Variants in GALNTL6 observed in about 807,000 individuals in gnomAD.
The protein encoded by GALNTL6 is polypeptide N-acetylgalactosaminyltransferase-like 6.
In GALNTL6, 46 loss-of-function variants were observed where a neutral mutation model predicts 73.7. That is an observed-to-expected ratio of 0.62 (90% CI 0.49 to 0.80). The LOEUF is 0.80. GALNTL6 is among the 30% of genes least tolerant of loss of function. The pLI, the probability that GALNTL6 is intolerant of heterozygous loss-of-function variation, is 0.00. For missense variants in GALNTL6, 604 were observed against 755.0 expected (o/e 0.80, Z 2.34); for synonymous variants, 259 against 263.7 (o/e 0.98, Z 0.17).
intron 5 of GALNTL6, among the ~76,000 whole-genome samples, chr4:172,357,975 G>T (rs1396221): frequency 0.96 from 145,887 of 152,210 alleles, 70,177 homozygotes; most frequent in East Asian, 1. Flanking sequence ...CCATGTTTTC[G>T]TCTGGTTTTG....
In GALNTL6 at chr4:172,809,018, T is replaced by C. The variant is rs1560967085; in HGVS notation, c.554-343T>C. Among the ~76,000 whole-genome samples the C allele has an allele frequency of 6.6e-6, 1 of 152,188 alleles. No homozygotes were observed. Among genetic ancestry groups the C allele is most frequent in the Non-Finnish European group, 1.5e-5 (1 of 68,028 alleles). ...TGTTGGAAAGAGCCCATTTCCAGGA[T>C]TTTCATCTGACTTTACCCAGCAGGA... On this transcript the variant is annotated intron_variant, in intron 5 of 12. Transcript: ENST00000506823. This position sits in a 1 kb window ranked among gnomAD's most constrained non-coding sequence, Gnocchi z 4.4.
intron 2 of GALNTL6, among the ~76,000 whole-genome samples, chr4:172,107,527 G>C (rs1447439594): frequency 1.3e-5 from 2 of 151,782 alleles, no homozygotes; most frequent in African/African-American, 4.8e-5. Context: ...TCCTTTGTAG[G>C]GACATGGATG....
At chr4:172,393,301 G>A (rs1426811674) in intron 5 of GALNTL6, among the ~76,000 whole-genome samples, 4 of 152,154 alleles carry the variant, frequency 2.6e-5, no homozygotes, top group African/African-American at 9.7e-5. Flanking sequence ...TCTAGGAACT[G>A]GGCAACATCA....
intron 5 of GALNTL6, among the ~76,000 whole-genome samples, chr4:172,626,167 C>A (rs565903579): frequency 1.3e-5 from 2 of 152,176 alleles, no homozygotes; most frequent in South Asian, 2.1e-4. Flanking sequence ...ATATTAAAAT[C>A]TTTAATCGAT....
At chr4:172,560,259 G>A (rs1304311228) in intron 5 of GALNTL6, among the ~76,000 whole-genome samples, 1 of 151,978 alleles carries the variant, frequency 6.6e-6, no homozygotes. Flanking sequence ...AAGATCACTG[G>A]AGGCCAGCAG....
intron 4 of GALNTL6, among the ~76,000 whole-genome samples, chr4:172,341,094 A>G (rs1303070533): frequency 1.3e-5 from 2 of 152,204 alleles, no homozygotes; most frequent in East Asian, 1.9e-4. Flanking sequence ...GAGTGTAAGC[A>G]GGGGAAATTG....
Position 172,240,374 on chromosome 4 carries a change from C to T in GALNTL6, c.247+10610C>T, listed in dbSNP as rs915607505. The stretch of plus-strand genomic sequence containing the variant: ...AAGTAGCAGGGACTACAGGCACTCA[C>T]CATCATGCCCGGCTAATTTTTTTTT... On this transcript the variant is annotated intron_variant, in intron 3 of 12. Coordinates refer to ENST00000506823, the MANE Select transcript of GALNTL6 (RefSeq NM_001034845.3). Among the ~76,000 whole-genome samples, 4 of 151,626 alleles carry T rather than the reference C, an allele frequency of 2.6e-5. No homozygotes were observed. The East Asian group carries it at 7.8e-4, about 29-fold the overall frequency.
intron 5 of GALNTL6, among the ~76,000 whole-genome samples, chr4:172,742,032 C>T (rs1022955677): frequency 1.3e-5 from 2 of 151,720 alleles, no homozygotes; most frequent in East Asian, 3.9e-4. Context: ...TGCATACATA[C>T]AACAAAAAAG....
intron 2 of GALNTL6, among the ~76,000 whole-genome samples, chr4:172,038,754 A>G (rs751420542): frequency 2.4e-4 from 37 of 152,176 alleles, no homozygotes; most frequent in Non-Finnish European, 2.5e-4. Flanking sequence ...TCCATGTGAT[A>G]TATTTTTAAA....
intron 5 of GALNTL6, among the ~76,000 whole-genome samples, chr4:172,684,117 T>C (rs1297270280): frequency 6.6e-6 from 1 of 152,234 alleles, no homozygotes; most frequent in Non-Finnish European, 1.5e-5. Flanking sequence ...AGTTATTAGC[T>C]ATCTCAATGG....
At chr4:171,987,101 G>A (rs528318086) in intron 2 of GALNTL6, among the ~76,000 whole-genome samples, 5 of 152,186 alleles carry the variant, frequency 3.3e-5, no homozygotes, top group Non-Finnish European at 7.3e-5. Context: ...ATAAAAAGGA[G>A]CATCTATACA....
intron 4 of GALNTL6, among the ~76,000 whole-genome samples, chr4:172,336,546 AT>A (rs1264465331): frequency 4.0e-5 from 6 of 151,454 alleles, no homozygotes; most frequent in African/African-American, 1.5e-4. Context: ...AAGTGCTGGG[AT>A]TACAGACATG....
chr4:172,463,540 G>T (rs1011491429), intron 5 of GALNTL6, among the ~76,000 whole-genome samples: 43 of 152,142 alleles, frequency 2.8e-4, no homozygotes, highest in African/African-American at 1.0e-3. Flanking sequence ...GTATTCACCT[G>T]CTCTATGCCA....
chr4:172,076,448 GCT>G (rs1481848783), intron 2 of GALNTL6, among the ~76,000 whole-genome samples: 4 of 152,086 alleles, frequency 2.6e-5, no homozygotes, highest in African/African-American at 9.7e-5. Context: ...GAATTGTGTT[GCT>G]GGAAGTACGA....
At position 172,855,685 on chromosome 4, in the gene GALNTL6, G is replaced by A. The variant is rs145887465; in HGVS notation, c.924-27105G>A. ...TTGAGTATTTGCTTTTTAAAAGACT[G>A]GATTCTATCACTGGCCACATTAATA... On this transcript the variant is annotated intron_variant, in intron 7 of 12. Coordinates refer to ENST00000506823, the MANE Select transcript of GALNTL6 (RefSeq NM_001034845.3). Among the ~76,000 whole-genome samples, 668 of 152,182 alleles carry A rather than the reference G, an allele frequency of 4.4e-3. 5 individuals are homozygous for A. Among genetic ancestry groups the A allele is most frequent in the African/African-American group, 0.015 (628 of 41,528 alleles).
At chr4:172,417,157 T>C (rs939980665) in intron 5 of GALNTL6, among the ~76,000 whole-genome samples, 2 of 151,650 alleles carry the variant, frequency 1.3e-5, no homozygotes, top group East Asian at 3.9e-4. Flanking sequence ...ACTCTGATTC[T>C]CCTTCTGTTG....
intron 2 of GALNTL6, among the ~76,000 whole-genome samples, chr4:171,908,475 A>G (rs546226066): frequency 2.0e-5 from 3 of 152,286 alleles, no homozygotes; most frequent in African/African-American, 4.8e-5. Flanking sequence ...TAGAATGGCA[A>G]TCATTAAAAA....
chr4:171,929,484 C>T (rs919855276), intron 2 of GALNTL6, among the ~76,000 whole-genome samples: 20 of 152,184 alleles, frequency 1.3e-4, no homozygotes, highest in African/African-American at 4.1e-4. Flanking sequence ...ACCCCCACCC[C>T]GCCATCAACA....
rs570896759 is a variant in GALNTL6, at chr4:172,645,994, A to G, written c.554-163367A>G. Among the ~76,000 whole-genome samples, 9 of 152,158 alleles carry G rather than the reference A, an allele frequency of 5.9e-5. No homozygotes were observed. The East Asian group carries it at 1.7e-3, about 29-fold the overall frequency. On this transcript the variant is annotated intron_variant, in intron 5 of 12. Coordinates refer to ENST00000506823, the MANE Select transcript of GALNTL6 (RefSeq NM_001034845.3). ...ATGACCAGTTTCAAGGGAAAAATCA[A>G]CAGGAAAATGAGATGGCTTTTCTAC...
Sources: allele counts gnomAD v4.1 joint callset (sites outside exome capture counted in the v4.1 genomes callset), GRCh38; gene constraint gnomAD v4.1.1; non-coding constraint Gnocchi (gnomAD v3.1); transcripts MANE v1.5; gene names NCBI Gene and HGNC (gene_info 2026-07-23, HGNC 2026-07-21).